Variants in COG6 observed in about 807,000 individuals in gnomAD.
COG6 encodes conserved oligomeric Golgi complex subunit 6.
Under a neutral mutation model 88.8 loss-of-function variants are expected in COG6, and 74 were observed. That is an observed-to-expected ratio of 0.83 (90% CI 0.69 to 1.01). The LOEUF (loss-of-function observed/expected upper bound fraction) is 1.01, where lower values mean the gene tolerates loss of function less well. Among genes scored for constraint, COG6 ranks in the 50% least tolerant of loss-of-function variants. The pLI is 0.00. For synonymous variants in COG6, 286 were observed against 278.7 expected (o/e 1.03, Z -0.26); for missense variants, 800 against 797.9 (o/e 1.00, Z -0.03).
chr13:39,763,797 C>G lies in COG6; in HGVS notation c.1827-24538C>G, dbSNP rs544237175. On this transcript the variant is annotated intron_variant, in intron 18 of 18. Coordinates refer to the COG6 transcript ENST00000416691. Reference sequence around the variant, plus strand: ...ATAATGTACTATCCTTTTTATATATCTTTTTATTTTATATGATAACACTTC... The same window carrying G: ...ATAATGTACTATCCTTTTTATATATGTTTTTATTTTATATGATAACACTTC... 2.0e-5 allele frequency among the ~76,000 whole-genome samples: 3 copies of G among 151,778 alleles called. No homozygotes were observed. The South Asian group carries it at 6.2e-4, about 32-fold the overall frequency.
intron 16 of COG6, 39 bp downstream of exon 16, chr13:39,723,479 GC>G: frequency 8.5e-7 from 1 of 1,178,696 alleles, no homozygotes; most frequent in Non-Finnish European, 1.3e-6. Context: ...CTAAGAACAT[GC>G]CAGTTTAGAG....
chr13:39,773,723 A>G (rs761809286), intron 18 of COG6, among the ~76,000 whole-genome samples: 5 of 152,210 alleles, frequency 3.3e-5, no homozygotes, highest in Non-Finnish European at 5.9e-5. Context: ...CTTAAGTTCT[A>G]TCCACCTCAC....
chr13:39,789,949 T>C (rs1881892562), exon 19 of COG6: 1 of 152,210 alleles, frequency 6.6e-6, no homozygotes, highest in Non-Finnish European at 1.5e-5. Flanking sequence ...TATTTTAAAT[T>C]TTTGTTTATT....
At chr13:39,657,502 A>C (rs1438582592) in intron 1 of COG6, among the ~76,000 whole-genome samples, 3 of 149,776 alleles carry the variant, frequency 2.0e-5, no homozygotes, top group African/African-American at 4.9e-5. Flanking sequence ...TCAAGGCTAT[A>C]GTCTAAAGAA....
At chr13:39,674,064 A>T (rs114095222) in intron 4 of COG6, among the ~76,000 whole-genome samples, 2 of 151,562 alleles carry the variant, frequency 1.3e-5, no homozygotes, top group African/African-American at 2.4e-5. Context: ...TTTATTTTTA[A>T]TTTTTTTTAA....
exon 19 of COG6, chr13:39,789,183 T>C (rs1344975461): frequency 1.3e-5 from 2 of 152,198 alleles, no homozygotes; most frequent in Admixed American, 6.5e-5. Flanking sequence ...CACACAAAGT[T>C]CTGTTCCTTT....
intron 2 of COG6, among the ~76,000 whole-genome samples, chr13:39,660,211 C>A (rs1260486284): frequency 6.6e-6 from 1 of 152,002 alleles, no homozygotes; most frequent in Non-Finnish European, 1.5e-5. Context: ...TAGAGATGGA[C>A]TCTTGCTATG....
chr13:39,762,094 G>A (rs557422233), intron 18 of COG6, among the ~76,000 whole-genome samples: 3 of 151,920 alleles, frequency 2.0e-5, no homozygotes, highest in Non-Finnish European at 4.4e-5. Context: ...ATTCACAATA[G>A]CCAAGATATG....
intron 18 of COG6, among the ~76,000 whole-genome samples, chr13:39,748,791 C>G (rs1166461859): frequency 1.3e-5 from 2 of 152,078 alleles, no homozygotes; most frequent in Non-Finnish European, 2.9e-5. Context: ...ATTTTGGAAG[C>G]TTTAGCAATT....
chr13:39,755,095 A>G (rs1427718520), downstream of COG6, among the ~76,000 whole-genome samples: 1 of 152,198 alleles, frequency 6.6e-6, no homozygotes. Flanking sequence ...AAAGGTAGCA[A>G]TAAAACTGGC....
chr13:39,754,315 T>A (rs1880762562), downstream of COG6, among the ~76,000 whole-genome samples: 1 of 152,100 alleles, frequency 6.6e-6, no homozygotes, highest in Non-Finnish European at 1.5e-5. Context: ...TATGATGGAG[T>A]ACAGCAGTGA....
At chr13:39,783,445 G>A (rs1881686695) in intron 18 of COG6, among the ~76,000 whole-genome samples, 2 of 151,938 alleles carry the variant, frequency 1.3e-5, no homozygotes, top group Admixed American at 1.3e-4. Flanking sequence ...GTTTTGTTTT[G>A]TTTTGTTTTT....
intron 3 of COG6, among the ~76,000 whole-genome samples, chr13:39,664,422 A>G (rs1327292677): frequency 6.6e-6 from 1 of 152,122 alleles, no homozygotes; most frequent in African/African-American, 2.4e-5. Context: ...CCTAGTTCAG[A>G]TATTTGAGAG....
chr13:39,687,916 C>A, intron 10 of COG6, 117 bp downstream of exon 10: 1 of 735,096 alleles, frequency 1.4e-6, no homozygotes. Context: ...GTACAATAAG[C>A]ATCCTGATTA....
At position 39,738,655 on chromosome 13, in the gene COG6, A is replaced by G. The variant is rs897227571; in HGVS notation, c.1826+11107A>G. Among the ~76,000 whole-genome samples the G allele has an allele frequency of 3.3e-5, 5 of 152,292 alleles. 1 individual carries two copies. The South Asian group carries it at 1.0e-3, about 32-fold the overall frequency. ...TGGTACAACTATCTGCTATCTATAA[A>G]AAGTCCATTTTAAATATAAAGGTGG... On this transcript the variant is annotated intron_variant, in intron 18 of 18. Transcript: ENST00000455146.
chr13:39,790,366 A>C (rs550047787), exon 19 of COG6: 2 of 152,324 alleles, frequency 1.3e-5, no homozygotes, highest in South Asian at 4.1e-4. Context: ...GAGGCTCTAA[A>C]TAACATAAGC....
chr13:39,766,767 G>T (rs367852269), intron 18 of COG6, among the ~76,000 whole-genome samples: 1 of 152,152 alleles, frequency 6.6e-6, no homozygotes, highest in East Asian at 1.9e-4. Context: ...GGAAGTCCAG[G>T]ACTTGGACAG....
At chr13:39,723,154 A>G (rs561423593) in intron 15 of COG6, among the ~76,000 whole-genome samples, 179 bp from the exon 16 acceptor site, 1 of 152,130 alleles carries the variant, frequency 6.6e-6, no homozygotes, top group East Asian at 1.9e-4. Flanking sequence ...CCTTGTTTAT[A>G]ATTTTTAAAG....
chr13:39,676,648 T>TC (rs1875984332), intron 4 of COG6, among the ~76,000 whole-genome samples: 1 of 152,200 alleles, frequency 6.6e-6, no homozygotes, highest in Non-Finnish European at 1.5e-5. Context: ...TTTATGTTTA[T>TC]CTTTGTTCAT....
Sources: allele counts gnomAD v4.1 joint callset (sites outside exome capture counted in the v4.1 genomes callset), GRCh38; gene constraint gnomAD v4.1.1; transcripts MANE v1.5; gene names NCBI Gene and HGNC (gene_info 2026-07-23, HGNC 2026-07-21).